CNTNAP5: variants seen among roughly 807,000 people sequenced by gnomAD.
The protein encoded by CNTNAP5 is contactin-associated protein-like 5.
CNTNAP5 carries 72 observed loss-of-function variants against 150.2 expected under a neutral mutation model. The observed-to-expected ratio is 0.48, with a 90% CI of 0.40 to 0.58. CNTNAP5 has a LOEUF of 0.58. Ranked by LOEUF, CNTNAP5 falls within the 20% of genes least tolerant of loss-of-function variation. CNTNAP5 has a pLI of 0.00. For missense variants in CNTNAP5, 1,636 were observed against 1,626.2 expected (o/e 1.01, Z -0.10); for synonymous variants, 672 against 619.8 (o/e 1.08, Z -1.25).
chr2:124,616,363 G>A lies in CNTNAP5; in HGVS notation c.1876+6443G>A, dbSNP rs549847880. On this transcript the variant is annotated intron_variant, in intron 12 of 23. Transcript: ENST00000682447. ...CTTCTTTAATTAAACCTCATGATCC[G>A]GCCTCTGCTAGCTTCAAACTTTTCT... is the stretch of plus-strand genomic sequence containing the variant. 1.2e-4 allele frequency among the ~76,000 whole-genome samples: 18 copies of A among 152,122 alleles called. No individual in the cohort carries two copies. The East Asian group carries it at 2.9e-3, about 25-fold the overall frequency.
chr2:124,550,208 G>A (rs1695597042), intron 10 of CNTNAP5, among the ~76,000 whole-genome samples: 1 of 152,024 alleles, frequency 6.6e-6, no homozygotes, highest in African/African-American at 2.4e-5. Context: ...CTTCACAAGA[G>A]AGCCCAAAAC....
At chr2:124,876,425 C>T (rs185804607) in intron 21 of CNTNAP5, among the ~76,000 whole-genome samples, 289 of 151,230 alleles carry the variant, frequency 1.9e-3, no homozygotes, top group Admixed American at 3.6e-3. Context: ...GTAATGCCAC[C>T]TCTTCTTCTC....
intron 6 of CNTNAP5, among the ~76,000 whole-genome samples, chr2:124,473,285 AT>A (rs1693561931): frequency 1.1e-5 from 1 of 92,516 alleles, no homozygotes; most frequent in African/African-American, 3.4e-5. Flanking sequence ...TATTTAAAAA[AT>A]ATCCATTCTT....
intron 13 of CNTNAP5, among the ~76,000 whole-genome samples, chr2:124,700,903 C>T (rs944291386): frequency 2.0e-5 from 3 of 151,806 alleles, no homozygotes; most frequent in Non-Finnish European, 4.4e-5. Context: ...TGGCAAAAAC[C>T]ACAAATACAT....
intron 3 of CNTNAP5, among the ~76,000 whole-genome samples, chr2:124,387,771 G>A (rs1407024946): frequency 2.0e-5 from 3 of 151,110 alleles, no homozygotes; most frequent in South Asian, 2.1e-4. Flanking sequence ...GGATGTATAC[G>A]TGCAAGTCAC....
chr2:124,878,660 T>G (rs1677908025), intron 21 of CNTNAP5, among the ~76,000 whole-genome samples: 1 of 151,836 alleles, frequency 6.6e-6, no homozygotes, highest in Admixed American at 6.6e-5. Context: ...GAGGTGGTAG[T>G]GTGGACAATA....
chr2:124,525,179 T>C (rs1694935331), intron 9 of CNTNAP5, among the ~76,000 whole-genome samples: 1 of 152,198 alleles, frequency 6.6e-6, no homozygotes, highest in Non-Finnish European at 1.5e-5. Flanking sequence ...CAAAAGTATT[T>C]TTCATTAAAA....
At chr2:124,773,129 A>G (rs1681243018) in intron 17 of CNTNAP5, 112 bp downstream of exon 17, 1 of 788,568 alleles carries the variant, frequency 1.3e-6, no homozygotes, top group Non-Finnish European at 2.1e-6. Context: ...TCAAAATGTC[A>G]TAAATCATTT....
At chr2:124,257,053 G>A (rs1377439214) in intron 3 of CNTNAP5, among the ~76,000 whole-genome samples, 7 of 152,060 alleles carry the variant, frequency 4.6e-5, no homozygotes, top group African/African-American at 1.7e-4. Flanking sequence ...TACAACCCAC[G>A]CAGTCCCAAA....
At chr2:124,072,164 A>G (rs1475459029) in intron 1 of CNTNAP5, among the ~76,000 whole-genome samples, 2 of 152,032 alleles carry the variant, frequency 1.3e-5, no homozygotes, top group South Asian at 4.1e-4. Context: ...GCATTAGATA[A>G]AATTCAACAC....
At chr2:124,476,118 C>A (rs1693633490) in intron 7 of CNTNAP5, among the ~76,000 whole-genome samples, 1 of 151,950 alleles carries the variant, frequency 6.6e-6, no homozygotes, top group Non-Finnish European at 1.5e-5. Flanking sequence ...ACCAATTTAG[C>A]TGATATGTAG....
chr2:124,044,345 G>A (rs941998138), intron 1 of CNTNAP5, among the ~76,000 whole-genome samples: 13 of 152,216 alleles, frequency 8.5e-5, no homozygotes, highest in African/African-American at 3.1e-4. Context: ...CTGAAATCCA[G>A]CCCTGGTCTC....
chr2:124,714,870 A>G (rs1679911972), intron 13 of CNTNAP5, among the ~76,000 whole-genome samples: 1 of 152,252 alleles, frequency 6.6e-6, no homozygotes, highest in South Asian at 2.1e-4. Context: ...CCTCTGGTCT[A>G]TCAAGACAGA....
At position 124,777,827 on chromosome 2, in the gene CNTNAP5, G is replaced by A. The variant is rs1842836; in HGVS notation, c.2752+4810G>A. Among the ~76,000 whole-genome samples the A allele has an allele frequency of 1.3e-3, 195 of 144,750 alleles. 2 individuals carry two copies. Among genetic ancestry groups the A allele is most frequent in the African/African-American group, 4.8e-3 (186 of 38,732 alleles). The allele number at this position is 144,750 out of a possible 152,430, so 95.0% of individuals were successfully genotyped here. ...TGTGTGTGTGTGTGTGTGTGTGTCA[G>A]GATTCATACTGTCTTTTTTAAAGGA... On this transcript the variant is annotated intron_variant, in intron 17 of 23. Transcript: ENST00000682447.
chr2:124,651,010 A>C (rs535978752), intron 13 of CNTNAP5, among the ~76,000 whole-genome samples: 10 of 152,332 alleles, frequency 6.6e-5, no homozygotes, highest in African/African-American at 2.2e-4. Context: ...TGAATTCTGC[A>C]ATGCATCAAG....
chr2:124,571,752 G>C (rs565058921), intron 11 of CNTNAP5, among the ~76,000 whole-genome samples: 3 of 151,208 alleles, frequency 2.0e-5, no homozygotes, highest in African/African-American at 4.9e-5. Flanking sequence ...GGCTGGTCTC[G>C]AACTCCTGAC....
chr2:124,426,004 G>T (rs1692229601), intron 4 of CNTNAP5, among the ~76,000 whole-genome samples: 1 of 151,816 alleles, frequency 6.6e-6, no homozygotes, highest in African/African-American at 2.4e-5. Context: ...AATTTTAAGT[G>T]CACCCCGAAA....
chr2:124,464,382 A>G (rs941178898), intron 6 of CNTNAP5, among the ~76,000 whole-genome samples: 1 of 152,194 alleles, frequency 6.6e-6, no homozygotes, highest in Admixed American at 6.6e-5. Context: ...AAAAAGAAGG[A>G]CACTGGAAAC....
At chr2:124,216,392 TA>T (rs923749854) in intron 1 of CNTNAP5, among the ~76,000 whole-genome samples, 70 of 152,300 alleles carry the variant, frequency 4.6e-4, no homozygotes, top group African/African-American at 1.4e-3. Context: ...TTCTTTTTTT[TA>T]AAATTATTAT....
Sources: allele counts gnomAD v4.1 joint callset (sites outside exome capture counted in the v4.1 genomes callset), GRCh38; gene constraint gnomAD v4.1.1; transcripts MANE v1.5; gene names NCBI Gene and HGNC (gene_info 2026-07-23, HGNC 2026-07-21).